XXYLT1: variants seen among roughly 807,000 people sequenced by gnomAD.
XXYLT1 encodes xyloside xylosyltransferase 1.
XXYLT1 carries 20 observed loss-of-function variants against 28.9 expected under a neutral mutation model. The ratio of observed to expected loss-of-function variants is 0.69; its 90% CI spans 0.49 to 1.00. The LOEUF (loss-of-function observed/expected upper bound fraction) is 1.00, where lower values mean the gene tolerates loss of function less well. XXYLT1 is among the 50% of genes least tolerant of loss of function. The pLI, the probability that XXYLT1 is intolerant of heterozygous loss-of-function variation, is 0.00. For missense variants in XXYLT1, 542 were observed against 560.1 expected (o/e 0.97, Z 0.33); for synonymous variants, 257 against 253.8 (o/e 1.01, Z -0.12).
At chr3:195,270,198 G>A (rs1435216400) in intron 1 of XXYLT1, 1 of 524,788 alleles carries the variant, frequency 1.9e-6, no homozygotes, top group Non-Finnish European at 3.6e-6. Flanking sequence ...ATCCTCAGAA[G>A]TCAAAAACTG....
intron 3 of XXYLT1, chr3:195,146,722 T>C (rs999653951): frequency 3.3e-5 from 5 of 152,446 alleles, no homozygotes; most frequent in Middle Eastern, 6.8e-3. Context: ...TTTGGTTTCT[T>C]TTTTTAGAGA....
chr3:195,155,233 C>G (rs541765427), intron 3 of XXYLT1, among the ~76,000 whole-genome samples: 7 of 152,366 alleles, frequency 4.6e-5, no homozygotes, highest in South Asian at 4.1e-4. Flanking sequence ...CCCCCTCTTT[C>G]TGAGGGGAAA....
At chr3:195,091,242 C>A (rs1374137885) in intron 3 of XXYLT1, among the ~76,000 whole-genome samples, 2 of 132,938 alleles carry the variant, frequency 1.5e-5, no homozygotes, top group Non-Finnish European at 3.1e-5. Context: ...AATTTTAGAC[C>A]AATATCCTTG....
At chr3:195,120,606 C>T (rs542336110) in intron 3 of XXYLT1, among the ~76,000 whole-genome samples, 119 of 152,330 alleles carry the variant, frequency 7.8e-4, no homozygotes, top group African/African-American at 2.8e-3. Flanking sequence ...CCTGTATTCC[C>T]ATGACTATCG....
At chr3:195,270,270 T>C in intron 1 of XXYLT1, 1 of 613,870 alleles carries the variant, frequency 1.6e-6, no homozygotes, top group Non-Finnish European at 2.7e-6. Context: ...GTTAGCAAAA[T>C]GGGGGCGCGC....
chr3:195,146,701 A>T (rs1577077217), intron 3 of XXYLT1: 1 of 152,350 alleles, frequency 6.6e-6, no homozygotes, highest in East Asian at 1.9e-4. Context: ...GCAGAACTCC[A>T]TTTTTGTTTG....
chr3:195,189,821 A>T (rs1722345185), intron 2 of XXYLT1, among the ~76,000 whole-genome samples: 1 of 152,204 alleles, frequency 6.6e-6, no homozygotes, highest in African/African-American at 2.4e-5. Context: ...CCCAAACTTG[A>T]TGTAAAACAT....
chr3:195,247,724 G>A, intron 1 of XXYLT1: 1 of 691,342 alleles, frequency 1.4e-6, no homozygotes, highest in Non-Finnish European at 2.6e-6. Flanking sequence ...TGTAAAGAAG[G>A]ACCCAAGACT....
At position 195,129,517 on chromosome 3, in the gene XXYLT1, G is replaced by C. The variant is rs114807709; in HGVS notation, c.785+26932C>G. Among the ~76,000 whole-genome samples the C allele has an allele frequency of 3.9e-5, 6 of 152,206 alleles. No homozygotes were observed. The highest frequency in any genetic ancestry group is 1.4e-4 in the African/African-American group (6 of 41,526). On this transcript the variant is annotated intron_variant, in intron 3 of 3. Coordinates refer to ENST00000310380, the MANE Select transcript of XXYLT1 (RefSeq NM_152531.5). This position sits in a 1 kb window ranked among gnomAD's most constrained non-coding sequence, Gnocchi z 4.4. ...CTTCTGTGACGGGCTTCTTTCACTC[G>C]TCTTAATGCTTTCAAGGTGCATCGT...
intron 1 of XXYLT1, among the ~76,000 whole-genome samples, chr3:195,262,500 C>CA: frequency 6.6e-6 from 1 of 151,874 alleles, no homozygotes; most frequent in African/African-American, 2.4e-5. Flanking sequence ...ATTTTTGTTG[C>CA]AAAAAAAAAG....
intron 1 of XXYLT1, among the ~76,000 whole-genome samples, chr3:195,238,128 G>A (rs923766623): frequency 1.4e-4 from 21 of 152,178 alleles, no homozygotes; most frequent in African/African-American, 5.1e-4. Context: ...CGCTGCAATA[G>A]TGGTTCTGGC....
At chr3:195,112,130 A>C (rs949856333) in intron 3 of XXYLT1, among the ~76,000 whole-genome samples, 23 of 152,258 alleles carry the variant, frequency 1.5e-4, no homozygotes, top group African/African-American at 5.1e-4. Flanking sequence ...TATTCTTAAA[A>C]CCCACGAGAC....
intron 2 of XXYLT1, among the ~76,000 whole-genome samples, chr3:195,194,217 G>A (rs1294411688): frequency 2.7e-5 from 4 of 150,846 alleles, no homozygotes; most frequent in African/African-American, 4.9e-5. Context: ...ATAAGAAGAC[G>A]AACACCCCAA....
chr3:195,200,619 G>C (rs932346038), intron 2 of XXYLT1, among the ~76,000 whole-genome samples: 1 of 152,206 alleles, frequency 6.6e-6, no homozygotes, highest in Non-Finnish European at 1.5e-5. Flanking sequence ...TGACTCACAT[G>C]AACACCCTCA....
intron 3 of XXYLT1, among the ~76,000 whole-genome samples, chr3:195,090,951 T>C (rs1398597320): frequency 2.2e-4 from 34 of 151,718 alleles, no homozygotes; most frequent in South Asian, 8.3e-4. Context: ...TTCCTCGACG[T>C]ATACACTCTC....
chr3:195,216,134 C>A (rs1252444237), intron 2 of XXYLT1, among the ~76,000 whole-genome samples: 2 of 151,952 alleles, frequency 1.3e-5, no homozygotes, highest in East Asian at 1.9e-4. Flanking sequence ...CGAGAACATA[C>A]CAGAATCTCT....
At chr3:195,125,431 A>G (rs1577056995) in intron 3 of XXYLT1, among the ~76,000 whole-genome samples, 2 of 152,288 alleles carry the variant, frequency 1.3e-5, no homozygotes, top group East Asian at 1.9e-4. Flanking sequence ...ATGGACCAGG[A>G]GGGCAGCCCT....
chr3:195,087,855 C>T (rs1183718863), intron 3 of XXYLT1, among the ~76,000 whole-genome samples: 6 of 151,930 alleles, frequency 3.9e-5, no homozygotes, highest in African/African-American at 1.5e-4. Context: ...CAGGGCGAGG[C>T]AAAGCCTCAC....
chr3:195,102,926 C>T (rs1716871522), intron 3 of XXYLT1, among the ~76,000 whole-genome samples: 1 of 152,172 alleles, frequency 6.6e-6, no homozygotes, highest in Non-Finnish European at 1.5e-5. Context: ...TACATTCCTA[C>T]CAACGGTGCA....
Sources: allele counts gnomAD v4.1 joint callset (sites outside exome capture counted in the v4.1 genomes callset), GRCh38; gene constraint gnomAD v4.1.1; non-coding constraint Gnocchi (gnomAD v3.1); transcripts MANE v1.5; gene names NCBI Gene and HGNC (gene_info 2026-07-23, HGNC 2026-07-21).